PLEKHA2: variants seen among roughly 807,000 people sequenced by gnomAD.
The protein encoded by PLEKHA2 is pleckstrin homology domain containing A2, also known as pleckstrin homology domain-containing family A member 2.
Under a neutral mutation model 53.2 loss-of-function variants are expected in PLEKHA2, and 28 were observed. That is an observed-to-expected ratio of 0.53 (90% CI 0.39 to 0.72). PLEKHA2 has a LOEUF of 0.72. PLEKHA2 is among the 30% of genes least tolerant of loss of function. PLEKHA2 has a pLI of 0.00. For synonymous variants in PLEKHA2, 193 were observed against 196.4 expected (o/e 0.98, Z 0.14); for missense variants, 426 against 537.9 (o/e 0.79, Z 2.06).
chr8:38,957,248 TG>T, intron 9 of PLEKHA2, 74 bp from the exon 10 acceptor site: 1 of 1,203,762 alleles, frequency 8.3e-7, no homozygotes. Flanking sequence ...TAGAGGGCAC[TG>T]GGGTCTTAGG....
At position 38,952,184 on chromosome 8, in the gene PLEKHA2, G is replaced by T; in HGVS notation, c.505G>T (p.Glu169Ter). Residue 169 changes from glutamate to a stop codon, truncating the protein, a stop_gained, in exon 7 of 12, where the codon GAA becomes TAA. Coordinates refer to ENST00000617275, the MANE Select transcript of PLEKHA2 (RefSeq NM_021623.2). LOFTEE classifies it high-confidence loss of function. ...PISQNGGDGQ[E>*]GSEPGSHTIL... ...CTTGCAGAACGGTGGGGATGGGCAG[G>T]AAGGGAGTGAGCCCGGGTCCCACAC... 1 of 1,613,280 alleles carries T rather than the reference G, an allele frequency of 6.2e-7. No homozygotes were observed. Among genetic ancestry groups the T allele is most frequent in the Non-Finnish European group, 8.5e-7 (1 of 1,179,682 alleles).
intron 9 of PLEKHA2, among the ~76,000 whole-genome samples, chr8:38,956,208 T>C (rs1032924445): frequency 3.9e-5 from 6 of 152,226 alleles, no homozygotes; most frequent in African/African-American, 4.8e-5. Context: ...GGGAAATAAC[T>C]TGGGCTGCTT....
At position 38,901,350 on chromosome 8, in the gene PLEKHA2, C is replaced by G. The variant is rs1340411107; in HGVS notation, c.-119C>G. ...GGCGCGGAGAGTTTGGCAGGCAGAC[C>G]CAGAAATCCCTGGAGCGCGGCGGAC... On this transcript the variant is annotated 5_prime_UTR_variant, in exon 1 of 12. Transcript: ENST00000617275. 6.6e-6 allele frequency: 1 copy of G among 152,252 alleles called. No individual in the cohort carries two copies. Among genetic ancestry groups the G allele is most frequent in the East Asian group, 1.9e-4 (1 of 5,200 alleles). The allele number at this position is 152,252 out of a possible 1,614,324, so 9.4% of individuals were successfully genotyped here.
chr8:38,915,662 A>G (rs1052388520), intron 1 of PLEKHA2, among the ~76,000 whole-genome samples: 33 of 152,354 alleles, frequency 2.2e-4, no homozygotes, highest in Admixed American at 5.9e-4. Context: ...TTGAGAGGAC[A>G]TAATTCACCC....
At chr8:38,928,256 T>TTC (rs1191875634) in intron 2 of PLEKHA2, among the ~76,000 whole-genome samples, 1 of 145,496 alleles carries the variant, frequency 6.9e-6, no homozygotes, top group Non-Finnish European at 1.5e-5. Context: ...TTTTTTTTTT[T>TTC]CTTTTTGAGA....
chr8:38,963,987 T>C (rs912165337), intron 10 of PLEKHA2, among the ~76,000 whole-genome samples: 2 of 152,144 alleles, frequency 1.3e-5, no homozygotes, highest in African/African-American at 4.8e-5. Context: ...TTAGCAAAGA[T>C]TTAAAAAATT....
At chr8:38,958,336 AC>A (rs952183269) in intron 10 of PLEKHA2, among the ~76,000 whole-genome samples, 43 of 151,990 alleles carry the variant, frequency 2.8e-4, no homozygotes, top group Admixed American at 6.6e-4. Context: ...AAAAAGGGAA[AC>A]AAAAAGAACA....
chr8:38,932,843 C>T (rs1298530763), intron 2 of PLEKHA2, among the ~76,000 whole-genome samples: 1 of 152,182 alleles, frequency 6.6e-6, no homozygotes, highest in Non-Finnish European at 1.5e-5. Context: ...CCTGGCTTCT[C>T]CTGGTGGAGA....
At chr8:38,939,827 T>C (rs182775922) in intron 3 of PLEKHA2, among the ~76,000 whole-genome samples, 1 of 152,292 alleles carries the variant, frequency 6.6e-6, no homozygotes, top group East Asian at 1.9e-4. Context: ...GACTCATGCC[T>C]GTAATCCCAG....
intron 2 of PLEKHA2, 103 bp from the exon 3 acceptor site, chr8:38,935,891 A>G: frequency 2.0e-6 from 2 of 1,022,570 alleles, no homozygotes; most frequent in Non-Finnish European, 3.1e-6. Context: ...TAACTTGCTC[A>G]GTGTTGCCAG....
intron 2 of PLEKHA2, among the ~76,000 whole-genome samples, chr8:38,926,630 TAAAA>T (rs901571972): frequency 6.6e-6 from 1 of 152,038 alleles, no homozygotes; most frequent in African/African-American, 2.4e-5. Context: ...TTGTCTAAAT[TAAAA>T]AAAATTAAAA....
At position 38,973,447 on chromosome 8, in the gene PLEKHA2, T is replaced by C. The variant is rs1386543059; in HGVS notation, c.*3664T>C. On this transcript the variant is annotated 3_prime_UTR_variant, in exon 12 of 12. Coordinates refer to ENST00000617275, the MANE Select transcript of PLEKHA2 (RefSeq NM_021623.2). Reference sequence around the variant, plus strand: ...TCAGTAGTTGAGGAGTGGAGTTTAGTAGGTTTGTTTTCAGTATAAATTAGA... The same window carrying C: ...TCAGTAGTTGAGGAGTGGAGTTTAGCAGGTTTGTTTTCAGTATAAATTAGA... 6.6e-6 allele frequency: 1 copy of C among 151,732 alleles called. No individual in the cohort carries two copies. The highest frequency in any genetic ancestry group is 1.5e-5 in the Non-Finnish European group (1 of 67,970). The allele number at this position is 151,732 out of a possible 1,614,324, so 9.4% of individuals were successfully genotyped here.
In PLEKHA2 at chr8:38,925,190, G is replaced by A. The variant is rs545251131; in HGVS notation, c.141+7120G>A. 5.9e-5 allele frequency among the ~76,000 whole-genome samples: 9 copies of A among 152,208 alleles called. 1 individual carries two copies. Among genetic ancestry groups the A allele is most frequent in the African/African-American group, 2.2e-4 (9 of 41,544 alleles). On this transcript the variant is annotated intron_variant, in intron 2 of 11. Coordinates refer to ENST00000617275, the MANE Select transcript of PLEKHA2 (RefSeq NM_021623.2). ...AATTCTTGAACAGAAACAAATGCTG[G>A]CTTGATTTTCCTTAAAATGTTACTA...
intron 2 of PLEKHA2, among the ~76,000 whole-genome samples, chr8:38,933,778 TAAA>T (rs774899490): frequency 2.9e-4 from 14 of 49,044 alleles, no homozygotes; most frequent in Non-Finnish European, 1.9e-4. Flanking sequence ...AGAGGTTTCC[TAAA>T]AAAAAAAAAA....
chr8:38,940,634 G>A (rs1467423715), intron 3 of PLEKHA2, among the ~76,000 whole-genome samples: 2 of 117,900 alleles, frequency 1.7e-5, no homozygotes, highest in African/African-American at 6.4e-5. Context: ...CTATGCCGTG[G>A]TCCAGATTGA....
intron 2 of PLEKHA2, among the ~76,000 whole-genome samples, chr8:38,932,305 G>A (rs1479712451): frequency 6.6e-6 from 1 of 152,206 alleles, no homozygotes; most frequent in African/African-American, 2.4e-5. Context: ...CATTCTTGGG[G>A]TTTTTAAAAC....
chr8:38,921,824 T>C (rs1387237312), intron 2 of PLEKHA2, among the ~76,000 whole-genome samples: 4 of 152,270 alleles, frequency 2.6e-5, no homozygotes, highest in Non-Finnish European at 4.4e-5. Context: ...CTTGCTGTGA[T>C]ACAGAAATAA....
chr8:38,912,104 C>T (rs1448010033), intron 1 of PLEKHA2, among the ~76,000 whole-genome samples: 1 of 152,180 alleles, frequency 6.6e-6, no homozygotes, highest in Non-Finnish European at 1.5e-5. Context: ...AGTTTGAGAC[C>T]AGCCTGGCCA....
chr8:38,904,994 G>A (rs1010563668), intron 1 of PLEKHA2, among the ~76,000 whole-genome samples: 1 of 152,200 alleles, frequency 6.6e-6, no homozygotes, highest in Admixed American at 6.5e-5. Flanking sequence ...CCATTTTGCA[G>A]ATTAGGAAAT....
Sources: allele counts gnomAD v4.1 joint callset (sites outside exome capture counted in the v4.1 genomes callset), GRCh38; gene constraint gnomAD v4.1.1; transcripts MANE v1.5; gene names NCBI Gene and HGNC (gene_info 2026-07-23, HGNC 2026-07-21).